C12orf56: variants seen among roughly 807,000 people sequenced by gnomAD.
The protein encoded by C12orf56 is uncharacterized protein C12orf56.
Under a neutral mutation model 69.9 loss-of-function variants are expected in C12orf56, and 71 were observed. The ratio of observed to expected loss-of-function variants is 1.02; its 90% CI spans 0.84 to 1.24. C12orf56 has a LOEUF of 1.24. Ranked by LOEUF, C12orf56 falls within the 50% of genes most tolerant of loss-of-function variation. The pLI is 0.00. For synonymous variants in C12orf56, 276 were observed against 274.1 expected (o/e 1.01, Z -0.07); for missense variants, 732 against 738.5 (o/e 0.99, Z 0.10).
chr12:64,294,513 G>A (rs1258102364), intron 6 of C12orf56, among the ~76,000 whole-genome samples: 1 of 152,122 alleles, frequency 6.6e-6, no homozygotes, highest in Non-Finnish European at 1.5e-5. Flanking sequence ...AAAGGAAATT[G>A]TGATACATGC....
intron 2 of C12orf56, 135 bp from the exon 3 acceptor site, chr12:64,331,167 G>A (rs1360942844): frequency 4.0e-6 from 3 of 750,118 alleles, no homozygotes; most frequent in Non-Finnish European, 6.2e-6. Context: ...ATTGTAAGCT[G>A]GGTAGCACGA....
At chr12:64,364,882 C>T (rs1315634463) in intron 1 of C12orf56, among the ~76,000 whole-genome samples, 1 of 152,004 alleles carries the variant, frequency 6.6e-6, no homozygotes, top group East Asian at 1.9e-4. Flanking sequence ...CTCCTTTGGG[C>T]ACTGCATGGC....
chr12:64,272,705 C>G (rs2038006041), intron 11 of C12orf56, among the ~76,000 whole-genome samples: 1 of 152,100 alleles, frequency 6.6e-6, no homozygotes, highest in Non-Finnish European at 1.5e-5. Context: ...GGTCTTGCAT[C>G]TTGCACATAT....
rs11275269 is a variant in C12orf56, at chr12:64,358,482, A to AATAATAATCATCATCATCATCATC, written c.253-5427_253-5426insGATGATGATGATGATGATTATTAT. The stretch of plus-strand genomic sequence containing the variant: ...CAAAAGTAATAATAATAATAATAAT[A>AATAATAATCATCATCATCATCATC]ATCATCATCATCATCATCATCATCA... On this transcript the variant is annotated intron_variant, in intron 1 of 12. Coordinates refer to ENST00000543942, the MANE Select transcript of C12orf56 (RefSeq NM_001170633.2). Among the ~76,000 whole-genome samples the AATAATAATCATCATCATCATCATC allele has an allele frequency of 6.0e-3, 756 of 125,878 alleles. 8 individuals carry two copies. Among genetic ancestry groups the AATAATAATCATCATCATCATCATC allele is most frequent in the Middle Eastern group, 7.9e-3 (2 of 254 alleles). The allele number at this position is 125,878 out of a possible 152,430, so 82.6% of individuals were successfully genotyped here.
chr12:64,381,720 T>A (rs1269326724), intron 1 of C12orf56, among the ~76,000 whole-genome samples: 2 of 152,122 alleles, frequency 1.3e-5, no homozygotes, highest in African/African-American at 4.8e-5. Context: ...AAAGTCTAGT[T>A]AAGAAACTGG....
At chr12:64,297,173 TATG>T (rs2038377791) in intron 6 of C12orf56, among the ~76,000 whole-genome samples, 2 of 152,194 alleles carry the variant, frequency 1.3e-5, no homozygotes, top group Admixed American at 1.3e-4. Context: ...AGCTTAAGGC[TATG>T]ATAACAATTT....
At chr12:64,317,587 C>T (rs1050732231) in intron 4 of C12orf56, among the ~76,000 whole-genome samples, 1 of 152,028 alleles carries the variant, frequency 6.6e-6, no homozygotes, top group African/African-American at 2.4e-5. Context: ...TGGCAAAACC[C>T]CGTCTCTACC....
chr12:64,295,385 G>A (rs1056606022), intron 6 of C12orf56, among the ~76,000 whole-genome samples: 8 of 152,112 alleles, frequency 5.3e-5, no homozygotes, highest in African/African-American at 1.9e-4. Flanking sequence ...TTCTCAGCCT[G>A]TGTAATCTCA....
chr12:64,303,647 C>G lies in C12orf56; in HGVS notation c.1101G>C (p.Arg367Ser). 3 of 1,553,302 alleles carry G rather than the reference C, an allele frequency of 1.9e-6. No homozygotes were observed. The highest frequency in any genetic ancestry group is 2.6e-6 in the Non-Finnish European group (3 of 1,152,200). Residue 367 changes from arginine (R) to serine (S), a missense_variant, in exon 6 of 13, where the codon AGG (arginine) becomes AGC (serine). Physicochemically the swap from Arg to Ser is moderately radical, Grantham distance 110. Coordinates refer to ENST00000543942, the MANE Select transcript of C12orf56 (RefSeq NM_001170633.2). ...VAAQKNFILK[R>S]LFWKTSDLFY... is the part of the protein sequence containing the mutation. ...ACAAAACACTTACCTTCCAGAAAAG[C>G]CTTTTCAGAATGAAGTTTTTCTGGG...
intron 3 of C12orf56, among the ~76,000 whole-genome samples, chr12:64,330,715 T>C (rs1289086107): frequency 1.3e-5 from 2 of 152,188 alleles, no homozygotes; most frequent in Non-Finnish European, 2.9e-5. Flanking sequence ...TTTAATGAAT[T>C]ATTTATCTAT....
At chr12:64,382,669 T>G (rs893862900) in intron 1 of C12orf56, among the ~76,000 whole-genome samples, 4 of 150,120 alleles carry the variant, frequency 2.7e-5, no homozygotes, top group Admixed American at 1.3e-4. Context: ...GGTCAGGAGA[T>G]CGAAACCATC....
intron 1 of C12orf56, among the ~76,000 whole-genome samples, chr12:64,365,904 T>G (rs1324438890): frequency 7.4e-6 from 1 of 134,560 alleles, no homozygotes; most frequent in Non-Finnish European, 1.5e-5. Context: ...TATTATACAT[T>G]ATGTATAGTG....
chr12:64,334,792 TC>T (rs1459720312), intron 2 of C12orf56, among the ~76,000 whole-genome samples: 1 of 152,212 alleles, frequency 6.6e-6, no homozygotes, highest in Non-Finnish European at 1.5e-5. Flanking sequence ...TATGTTTCAA[TC>T]TAGTTGGGGA....
At chr12:64,350,000 G>T (rs967712944) in intron 2 of C12orf56, among the ~76,000 whole-genome samples, 3 of 151,684 alleles carry the variant, frequency 2.0e-5, no homozygotes, top group Non-Finnish European at 4.4e-5. Flanking sequence ...GCTGAGGCAG[G>T]ATAATTGCTT....
intron 2 of C12orf56, among the ~76,000 whole-genome samples, chr12:64,341,335 G>A (rs2039071445): frequency 6.6e-6 from 1 of 152,110 alleles, no homozygotes; most frequent in Non-Finnish European, 1.5e-5. Context: ...CATGAATCCT[G>A]GCTATGGGAG....
intron 1 of C12orf56, among the ~76,000 whole-genome samples, chr12:64,365,664 C>A (rs936707656): frequency 9.6e-5 from 14 of 145,638 alleles, no homozygotes; most frequent in Admixed American, 2.1e-4. Context: ...CTTTGGGAGG[C>A]TCAGGTATAT....
rs559284225 is a variant in C12orf56 at position 64,336,288 on chromosome 12, G to A, written c.416-5256C>T. Reference sequence around the variant, plus strand: ...GCCCAAGTGTCAGATGGTACTTTTGGGAATGAAAGTAGAGAACAGGTGGGG... The same window carrying A: ...GCCCAAGTGTCAGATGGTACTTTTGAGAATGAAAGTAGAGAACAGGTGGGG... On this transcript the variant is annotated intron_variant, in intron 2 of 12. Transcript: ENST00000543942. Among the ~76,000 whole-genome samples, 3 of 152,216 alleles carry A rather than the reference G, an allele frequency of 2.0e-5. No homozygotes were observed. In the South Asian group the frequency reaches 6.2e-4, roughly 32 times the overall value.
intron 8 of C12orf56, among the ~76,000 whole-genome samples, chr12:64,281,907 T>C (rs1354684981): frequency 6.6e-6 from 1 of 152,218 alleles, no homozygotes; most frequent in Non-Finnish European, 1.5e-5. Context: ...ATGATTTTTT[T>C]CAACTTGGAA....
intron 1 of C12orf56, among the ~76,000 whole-genome samples, chr12:64,358,249 G>A (rs537014871): frequency 6.6e-6 from 1 of 152,152 alleles, no homozygotes; most frequent in African/African-American, 2.4e-5. Context: ...CACGAGGTCA[G>A]GAGTTCGAGA....
Sources: gnomAD v4.1 joint callset for allele counts (sites outside exome capture counted in the v4.1 genomes callset) on GRCh38, gnomAD v4.1.1 for gene constraint, MANE v1.5 for transcripts, NCBI Gene and HGNC (gene_info 2026-07-23, HGNC 2026-07-21) for gene names.